AUTS2: variants seen among roughly 807,000 people sequenced by gnomAD.
The protein encoded by AUTS2 is autism susceptibility gene 2 protein.
A neutral mutation model predicts 112.4 loss-of-function variants in AUTS2; 17 were observed. That is an observed-to-expected ratio of 0.15 (90% CI 0.10 to 0.23). The LOEUF (loss-of-function observed/expected upper bound fraction) is 0.23, where lower values mean the gene tolerates loss of function less well. AUTS2 is among the 10% of genes least tolerant of loss of function. The probability of loss-of-function intolerance (pLI) is 1.00; values close to 1 mark genes in which losing one functional copy is unlikely to be tolerated. For synonymous variants in AUTS2, 751 were observed against 702.7 expected (o/e 1.07, Z -1.09); for missense variants, 1,510 against 1,701.6 (o/e 0.89, Z 1.98).
intron 17 of AUTS2, among the ~76,000 whole-genome samples, chr7:70,786,552 A>G (rs1210684678): frequency 6.6e-6 from 1 of 152,166 alleles, no homozygotes; most frequent in Non-Finnish European, 1.5e-5. Flanking sequence ...TCTACTATTA[A>G]AAAAGCCCAT....
chr7:69,675,775 G>C (rs1044446191), intron 1 of AUTS2, among the ~76,000 whole-genome samples: 1 of 152,012 alleles, frequency 6.6e-6, no homozygotes, highest in African/African-American at 2.4e-5. Context: ...CCACAGTGCT[G>C]GGATTACAGG....
intron 6 of AUTS2, among the ~76,000 whole-genome samples, chr7:70,728,124 G>T (rs574373462): frequency 6.6e-6 from 1 of 152,134 alleles, no homozygotes; most frequent in African/African-American, 2.4e-5. Flanking sequence ...CCAACAGGCC[G>T]TGTTTTAGGG....
chr7:70,624,123 T>C (rs906132031), intron 5 of AUTS2, among the ~76,000 whole-genome samples: 7 of 152,232 alleles, frequency 4.6e-5, no homozygotes, highest in African/African-American at 1.7e-4. Context: ...TTGATAATTT[T>C]AAAAAATCAA....
intron 3 of AUTS2, 35 bp downstream of exon 3, chr7:70,118,268 T>G (rs1261494256): frequency 9.1e-7 from 1 of 1,094,132 alleles, no homozygotes; most frequent in South Asian, 1.6e-5. Flanking sequence ...AAAAAAAAAA[T>G]TAACGAAAAC....
intron 4 of AUTS2, among the ~76,000 whole-genome samples, chr7:70,264,273 T>C (rs1787306319): frequency 6.6e-6 from 1 of 152,188 alleles, no homozygotes; most frequent in Admixed American, 6.5e-5. Context: ...AGTGGCACGA[T>C]CTTGGCTCAC....
intron 5 of AUTS2, among the ~76,000 whole-genome samples, chr7:70,669,328 C>G (rs527408925): frequency 6.6e-6 from 1 of 152,192 alleles, no homozygotes; most frequent in Non-Finnish European, 1.5e-5. Context: ...GAACAGAACC[C>G]TGATTTTAAT....
chr7:70,781,750 G>C lies in AUTS2; in HGVS notation c.2140G>C (p.Ala714Pro). ...GGCACGGCCTTCAACTTTGTTCTCT[G>C]CCGCTGGTGAGTGTGGGTTTGGGTG... Reference protein sequence around the residue: ...DLARPSTLFSAAGAAHPTGTP... With the variant: ...DLARPSTLFSPAGAAHPTGTP... Residue 714 changes from alanine to proline, a missense_variant, in exon 15 of 19, where the codon GCC becomes CCC. Ala to Pro is a conservative substitution (Grantham distance 27). Transcript: ENST00000342771. 1 of 1,614,020 alleles carries C rather than the reference G, an allele frequency of 6.2e-7. No individual in the cohort carries two copies. The highest frequency in any genetic ancestry group is 1.3e-5 in the African/African-American group (1 of 75,040).
At chr7:69,961,547 C>A (rs969382459) in intron 2 of AUTS2, among the ~76,000 whole-genome samples, 23 of 152,114 alleles carry the variant, frequency 1.5e-4, no homozygotes, top group African/African-American at 5.1e-4. Context: ...GTAACTGTTC[C>A]TTTCATACTG....
rs1425747379 is a variant in AUTS2 at position 70,531,987 on chromosome 7, C to G, written c.690+96206C>G. 5.3e-5 allele frequency among the ~76,000 whole-genome samples: 8 copies of G among 152,124 alleles called. No individual in the cohort carries two copies. The South Asian group carries it at 8.3e-4, about 16-fold the overall frequency. ...CTGTGGCCAGCTGGGGTTGGCTGGTCTAGATTGTTTGACTTACGTCTGGTG... is the reference window on the plus strand; with the variant it reads ...CTGTGGCCAGCTGGGGTTGGCTGGTGTAGATTGTTTGACTTACGTCTGGTG... On this transcript the variant is annotated intron_variant, in intron 5 of 18. Coordinates refer to ENST00000342771, the MANE Select transcript of AUTS2 (RefSeq NM_015570.4).
At chr7:70,730,731 T>C (rs1422775742) in intron 6 of AUTS2, among the ~76,000 whole-genome samples, 2 of 152,224 alleles carry the variant, frequency 1.3e-5, no homozygotes, top group African/African-American at 2.4e-5. Flanking sequence ...GCACAGGTTT[T>C]TGTGTGGATG....
chr7:69,614,367 T>TCTTTCTTTTCTTTCTTTTCTTTCTTTTC, intron 1 of AUTS2, among the ~76,000 whole-genome samples: 2 of 90,306 alleles, frequency 2.2e-5, no homozygotes, highest in East Asian at 7.9e-4. Flanking sequence ...TTTCTTTCTT[T>TCTTTCTTTTCTTTCTTTTCTTTCTTTTC]TTTTAAGAGA....
At chr7:69,698,724 A>G (rs1797670889) in intron 1 of AUTS2, among the ~76,000 whole-genome samples, 1 of 152,012 alleles carries the variant, frequency 6.6e-6, no homozygotes, top group African/African-American at 2.4e-5. Flanking sequence ...AACATGTCAA[A>G]TTTTCACACT....
chr7:69,866,840 C>T (rs1360466938), intron 1 of AUTS2, among the ~76,000 whole-genome samples: 1 of 152,198 alleles, frequency 6.6e-6, no homozygotes, highest in Non-Finnish European at 1.5e-5. Flanking sequence ...TTGTGGTTTG[C>T]CCAGCAACAC....
intron 2 of AUTS2, among the ~76,000 whole-genome samples, chr7:69,958,147 G>A (rs1797290903): frequency 6.6e-6 from 1 of 152,122 alleles, no homozygotes; most frequent in South Asian, 2.1e-4. Context: ...TCAACAGCAG[G>A]AGTTGGCAAA....
At chr7:70,345,317 C>T (rs1791447250) in intron 4 of AUTS2, among the ~76,000 whole-genome samples, 2 of 152,206 alleles carry the variant, frequency 1.3e-5, no homozygotes, top group Admixed American at 1.3e-4. Context: ...TGACAGAGTG[C>T]TTACTGCCTC....
chr7:70,106,862 G>GA (rs1213914045), intron 2 of AUTS2, among the ~76,000 whole-genome samples: 2 of 151,936 alleles, frequency 1.3e-5, no homozygotes, highest in Admixed American at 1.3e-4. Flanking sequence ...GGATATGTCA[G>GA]AAAAAAGTTT....
At chr7:70,571,913 A>G (rs1280628395) in intron 5 of AUTS2, among the ~76,000 whole-genome samples, 1 of 152,154 alleles carries the variant, frequency 6.6e-6, no homozygotes, top group Non-Finnish European at 1.5e-5. Flanking sequence ...TAGGGGAACG[A>G]TCCAGTCCGG....
At chr7:70,087,177 A>G (rs931544915) in intron 2 of AUTS2, among the ~76,000 whole-genome samples, 5 of 152,068 alleles carry the variant, frequency 3.3e-5, no homozygotes, top group African/African-American at 1.2e-4. Context: ...TTAATCAGGA[A>G]TGGATGTTGG....
intron 5 of AUTS2, among the ~76,000 whole-genome samples, chr7:70,644,991 G>A (rs1180213268): frequency 1.3e-5 from 2 of 152,168 alleles, no homozygotes; most frequent in Non-Finnish European, 2.9e-5. Context: ...GAAAGGAAAG[G>A]CCATGGCCTA....
Sources: gnomAD v4.1 joint callset for allele counts (sites outside exome capture counted in the v4.1 genomes callset) on GRCh38, gnomAD v4.1.1 for gene constraint, MANE v1.5 for transcripts, NCBI Gene and HGNC (gene_info 2026-07-23, HGNC 2026-07-21) for gene names.